Variants in SLC24A3 observed in about 807,000 individuals in gnomAD.
The protein encoded by SLC24A3 is sodium/potassium/calcium exchanger 3.
Under a neutral mutation model 75.8 loss-of-function variants are expected in SLC24A3, and 28 were observed. That is an observed-to-expected ratio of 0.37 (90% CI 0.27 to 0.51). The LOEUF (loss-of-function observed/expected upper bound fraction) is 0.51. Among genes scored for constraint, SLC24A3 ranks in the 20% least tolerant of loss-of-function variants. SLC24A3 has a pLI of 0.94. For missense variants in SLC24A3, 663 were observed against 847.8 expected (o/e 0.78, Z 2.71); for synonymous variants, 372 against 334.1 (o/e 1.11, Z -1.24).
At chr20:19,364,927 A>G (rs1189589467) in intron 2 of SLC24A3, among the ~76,000 whole-genome samples, 1 of 152,156 alleles carries the variant, frequency 6.6e-6, no homozygotes, top group African/African-American at 2.4e-5. Context: ...GAAAGGAAGA[A>G]AGCCAGAAAA....
intron 1 of SLC24A3, among the ~76,000 whole-genome samples, chr20:19,261,378 C>T (rs1376391414): frequency 6.6e-6 from 1 of 152,192 alleles, no homozygotes; most frequent in Middle Eastern, 3.2e-3. Context: ...TCACTCTCTT[C>T]CAGGCTGGAG....
chr20:19,671,507 A>C (rs2032466687), intron 8 of SLC24A3, among the ~76,000 whole-genome samples: 1 of 152,230 alleles, frequency 6.6e-6, no homozygotes, highest in African/African-American at 2.4e-5. Context: ...GATTGATGAA[A>C]TACTTGAGAC....
chr20:19,309,019 A>C (rs1396872269), intron 2 of SLC24A3, among the ~76,000 whole-genome samples: 3 of 152,214 alleles, frequency 2.0e-5, no homozygotes, highest in Non-Finnish European at 2.9e-5. Flanking sequence ...AATTGAAGCC[A>C]TGGATTCGTG....
At chr20:19,645,915 CGTG>C (rs1239746072) in intron 6 of SLC24A3, among the ~76,000 whole-genome samples, 1 of 151,964 alleles carries the variant, frequency 6.6e-6, no homozygotes, top group African/African-American at 2.4e-5. Context: ...ATCAGCCCAG[CGTG>C]GTGGCATGTG....
chr20:19,484,933 C>T (rs1042129850), intron 2 of SLC24A3, among the ~76,000 whole-genome samples: 1 of 151,998 alleles, frequency 6.6e-6, no homozygotes, highest in Non-Finnish European at 1.5e-5. Context: ...TCAGTCTCCT[C>T]GGTTATAAGC....
chr20:19,324,714 G>A (rs1568589494), intron 2 of SLC24A3, among the ~76,000 whole-genome samples: 1 of 152,354 alleles, frequency 6.6e-6, no homozygotes, highest in East Asian at 1.9e-4. Flanking sequence ...TATATGGCTG[G>A]AAATTGGGCT....
intron 1 of SLC24A3, among the ~76,000 whole-genome samples, chr20:19,221,977 T>G (rs1213513523): frequency 1.3e-5 from 2 of 152,210 alleles, no homozygotes; most frequent in East Asian, 3.8e-4. Flanking sequence ...GTCTATTATT[T>G]GGGTGTTTGA....
chr20:19,671,538 G>A (rs1276542553), intron 8 of SLC24A3, among the ~76,000 whole-genome samples: 1 of 152,206 alleles, frequency 6.6e-6, no homozygotes. Context: ...ATGGATATGG[G>A]AGTGAGGAAA....
At chr20:19,665,804 T>A in intron 7 of SLC24A3, 60 bp from the exon 8 acceptor site, 1 of 1,422,692 alleles carries the variant, frequency 7.0e-7, no homozygotes, top group Non-Finnish European at 9.5e-7. Flanking sequence ...TGTGTGTGTG[T>A]GTGTGTGTGT....
chr20:19,217,155 C>T (rs1449914021), intron 1 of SLC24A3, among the ~76,000 whole-genome samples: 1 of 152,232 alleles, frequency 6.6e-6, no homozygotes, highest in Non-Finnish European at 1.5e-5. Flanking sequence ...ATCCTAGCCT[C>T]ATAAGTCACA....
At chr20:19,662,915 C>T (rs1415260850) in intron 7 of SLC24A3, among the ~76,000 whole-genome samples, 2 of 152,292 alleles carry the variant, frequency 1.3e-5, no homozygotes, top group East Asian at 1.9e-4. Context: ...GGTACCCTCC[C>T]GATGGAACGT....
At chr20:19,668,533 C>T (rs1406599583) in intron 8 of SLC24A3, among the ~76,000 whole-genome samples, 1 of 152,190 alleles carries the variant, frequency 6.6e-6, no homozygotes, top group African/African-American at 2.4e-5. Context: ...CCCAAAAAAT[C>T]TTCAAAAGGA....
At chr20:19,321,336 C>T (rs1300017561) in intron 2 of SLC24A3, among the ~76,000 whole-genome samples, 4 of 152,050 alleles carry the variant, frequency 2.6e-5, no homozygotes, top group Admixed American at 1.3e-4. Context: ...AGTGATGGAG[C>T]GAACACAGCG....
At chr20:19,315,623 C>T (rs138278960) in intron 2 of SLC24A3, among the ~76,000 whole-genome samples, 1 of 152,240 alleles carries the variant, frequency 6.6e-6, no homozygotes, top group East Asian at 1.9e-4. Context: ...TACATGGAAG[C>T]GTGCACTGCT....
chr20:19,268,883 G>A (rs1600402286), intron 1 of SLC24A3, among the ~76,000 whole-genome samples: 1 of 152,216 alleles, frequency 6.6e-6, no homozygotes, highest in African/African-American at 2.4e-5. Context: ...CAAAGAAGGA[G>A]GCTAGAAGAA....
chr20:19,632,948 G>A (rs949313309), intron 6 of SLC24A3, among the ~76,000 whole-genome samples: 2 of 152,162 alleles, frequency 1.3e-5, no homozygotes, highest in African/African-American at 4.8e-5. Flanking sequence ...TACAAGATAC[G>A]GACAACTTTC....
At chr20:19,226,791 A>G (rs948121384) in intron 1 of SLC24A3, among the ~76,000 whole-genome samples, 1 of 152,206 alleles carries the variant, frequency 6.6e-6, no homozygotes, top group Non-Finnish European at 1.5e-5. Flanking sequence ...CTATGTGGTC[A>G]AGTAGAATTT....
intron 1 of SLC24A3, among the ~76,000 whole-genome samples, chr20:19,231,065 C>T (rs1409693434): frequency 3.3e-5 from 5 of 152,190 alleles, no homozygotes; most frequent in Admixed American, 3.3e-4. Flanking sequence ...CTCTGCAGAA[C>T]CATGGATTAG....
chr20:19,331,536 T>C (rs575962888), intron 2 of SLC24A3, among the ~76,000 whole-genome samples: 1 of 152,228 alleles, frequency 6.6e-6, no homozygotes, highest in East Asian at 1.9e-4. Flanking sequence ...ATATTGACAA[T>C]AGGTGAATCA....
Sources: allele counts gnomAD v4.1 joint callset (sites outside exome capture counted in the v4.1 genomes callset), GRCh38; gene constraint gnomAD v4.1.1; transcripts MANE v1.5; gene names NCBI Gene and HGNC (gene_info 2026-07-23, HGNC 2026-07-21).